The following ZMYND11 variants were observed in gnomAD, a reference collection of about 807,000 sequenced individuals.
The protein encoded by ZMYND11 is zinc finger MYND-type containing 11, also known as zinc finger MYND domain-containing protein 11.
ZMYND11 carries 9 observed loss-of-function variants against 84.9 expected under a neutral mutation model. The observed-to-expected ratio is 0.11, with a 90% CI of 0.06 to 0.18. ZMYND11 has a LOEUF of 0.18. Among genes scored for constraint, ZMYND11 ranks in the 10% least tolerant of loss-of-function variants. ZMYND11 has a pLI of 1.00. For missense variants in ZMYND11, 409 were observed against 761.0 expected (o/e 0.54, Z 5.44); for synonymous variants, 250 against 244.1 (o/e 1.02, Z -0.23).
chr10:241,982 TTAAAAG>T lies in ZMYND11; in HGVS notation c.832-35_832-30del, dbSNP rs755094763. The T allele has an allele frequency of 1.9e-5, 30 of 1,605,982 alleles. No homozygotes were observed. The Middle Eastern group carries it at 5.0e-4, about 27-fold the overall frequency. On this transcript the variant is annotated intron_variant, in intron 9 of 14. Transcript: ENST00000381604. ...TAATGGTACACTTGCATTTAATACT[TTAAAAG>T]TAATATAACAAGGTAAAACATTTAA... is the stretch of plus-strand genomic sequence containing the variant.
At chr10:158,297 A>G (rs918742471) in intron 1 of ZMYND11, among the ~76,000 whole-genome samples, 3 of 152,214 alleles carry the variant, frequency 2.0e-5, no homozygotes, top group South Asian at 2.1e-4. Flanking sequence ...AGGAACTGCC[A>G]TACTGTTTTT....
chr10:225,606 C>T (rs1400948485), intron 4 of ZMYND11, among the ~76,000 whole-genome samples: 2 of 152,150 alleles, frequency 1.3e-5, no homozygotes, highest in Non-Finnish European at 2.9e-5. Context: ...CCTTGGCCTC[C>T]CAAAGTGCTG....
intron 1 of ZMYND11, among the ~76,000 whole-genome samples, chr10:136,170 C>T (rs1428082217): frequency 2.0e-5 from 3 of 152,210 alleles, no homozygotes; most frequent in Non-Finnish European, 2.9e-5. Context: ...CGGGACAGTC[C>T]TGTGGGGTCC....
In ZMYND11 at chr10:237,644, G is replaced by A. The variant is rs1166207784; in HGVS notation, c.576G>A (p.Val192=). The change falls in exon 6 of 15, where the codon GTG becomes GTA. Residue 192 remains valine, a synonymous_variant. Transcript: ENST00000381604. The stretch of plus-strand genomic sequence containing the variant: ...AACACCCGATGTACAGGAGGCTGGT[G>A]CACTCAGCTGTGGACGTTCCCACCA... ...DNKHPMYRRL[V]HSAVDVPTIQ... 1 of 1,613,418 alleles carries A rather than the reference G, an allele frequency of 6.2e-7. No homozygotes were observed. Among genetic ancestry groups the A allele is most frequent in the African/African-American group, 1.3e-5 (1 of 75,034 alleles).
chr10:237,847 A>G (rs912196363), intron 6 of ZMYND11, among the ~76,000 whole-genome samples, 170 bp downstream of exon 6: 2 of 152,228 alleles, frequency 1.3e-5, no homozygotes, highest in Non-Finnish European at 2.9e-5. Context: ...AGCATTATTA[A>G]TTTGTAAATT....
Position 207,812 on chromosome 10 carries a change from G to T in ZMYND11, c.117-2077G>T, listed in dbSNP as rs1316418816. 3.3e-5 allele frequency among the ~76,000 whole-genome samples: 5 copies of T among 152,050 alleles called. No homozygotes were observed. The South Asian group carries it at 1.0e-3, about 32-fold the overall frequency. ...AAAAAACTACTTTAAAGTTCATATG[G>T]AACCAAAAAAGAGCCCACATCGCCA... On this transcript the variant is annotated intron_variant, in intron 2 of 14. Coordinates refer to ENST00000381604, the MANE Select transcript of ZMYND11 (RefSeq NM_001370100.5).
At position 237,625 on chromosome 10, in the gene ZMYND11, C is replaced by A; in HGVS notation, c.557C>A (p.Pro186Gln). The A allele has an allele frequency of 6.2e-7, 1 of 1,613,514 alleles. No individual in the cohort carries two copies. Among genetic ancestry groups the A allele is most frequent in the Non-Finnish European group, 8.5e-7 (1 of 1,179,772 alleles). Residue 186 changes from proline to glutamine, a missense_variant, in exon 6 of 15, where the codon CCG becomes CAG. Pro to Gln is a moderately conservative substitution (Grantham distance 76). Around this residue, in one of 7 missense-constraint regions of ZMYND11, gnomAD observed 53 missense variants for 71.1 expected, o/e 0.75. Coordinates refer to ENST00000381604, the MANE Select transcript of ZMYND11 (RefSeq NM_001370100.5). Reference protein sequence around the residue: ...LNKKGKDNKHPMYRRLVHSAV... With the variant: ...LNKKGKDNKHQMYRRLVHSAV... The stretch of plus-strand genomic sequence containing the variant: ...AAAAAGGGGAAGGACAATAAACACC[C>A]GATGTACAGGAGGCTGGTGCACTCA...
At chr10:188,420 T>A (rs1218677818) in intron 2 of ZMYND11, among the ~76,000 whole-genome samples, 1 of 150,762 alleles carries the variant, frequency 6.6e-6, no homozygotes, top group Non-Finnish European at 1.5e-5. Context: ...AGACCCCATC[T>A]CTACAAAAAA....
intron 4 of ZMYND11, among the ~76,000 whole-genome samples, chr10:236,090 C>T (rs1207570906): frequency 2.0e-5 from 3 of 152,204 alleles, no homozygotes; most frequent in African/African-American, 7.2e-5. Context: ...CACACCCACT[C>T]ATTTCCTCTG....
At chr10:177,030 C>T (rs986907389) in intron 1 of ZMYND11, among the ~76,000 whole-genome samples, 3 of 152,126 alleles carry the variant, frequency 2.0e-5, no homozygotes, top group Non-Finnish European at 4.4e-5. Flanking sequence ...ACTCAAATTG[C>T]TGTTCTTTTC....
At chr10:233,075 G>A (rs903283506) in intron 4 of ZMYND11, among the ~76,000 whole-genome samples, 20 of 152,316 alleles carry the variant, frequency 1.3e-4, no homozygotes, top group African/African-American at 4.8e-4. Flanking sequence ...GGTCTCTTAG[G>A]AAGTTGGTGC....
upstream of ZMYND11, among the ~76,000 whole-genome samples, chr10:134,130 A>G (rs986752903): frequency 6.6e-6 from 1 of 152,188 alleles, no homozygotes; most frequent in African/African-American, 2.4e-5. Context: ...GTTTTCTCCT[A>G]TACACACCTG....
At chr10:239,041 T>C (rs2131725516) in intron 6 of ZMYND11, among the ~76,000 whole-genome samples, 1 of 152,306 alleles carries the variant, frequency 6.6e-6, no homozygotes, top group Admixed American at 6.5e-5. Context: ...AGTTCTGTTT[T>C]CAATCTCGAT....
chr10:200,980 C>T (rs943236692), intron 2 of ZMYND11, among the ~76,000 whole-genome samples: 2 of 152,050 alleles, frequency 1.3e-5, no homozygotes, highest in Non-Finnish European at 2.9e-5. Flanking sequence ...AGAAATTCAA[C>T]ATTTCTAATC....
intron 13 of ZMYND11, 75 bp downstream of exon 13, chr10:248,683 C>T (rs1952711839): frequency 2.7e-6 from 4 of 1,500,460 alleles, no homozygotes; most frequent in African/African-American, 2.8e-5. Flanking sequence ...TTCACTCATG[C>T]ATCAACCCAG....
At chr10:243,018 T>C (rs989779348) in intron 10 of ZMYND11, among the ~76,000 whole-genome samples, 1 of 152,176 alleles carries the variant, frequency 6.6e-6, no homozygotes, top group Admixed American at 6.5e-5. Flanking sequence ...TTTTAACATA[T>C]GCTTAATACA....
intron 10 of ZMYND11, among the ~76,000 whole-genome samples, chr10:245,538 T>A (rs1418658156): frequency 2.0e-5 from 3 of 152,220 alleles, no homozygotes; most frequent in Non-Finnish European, 4.4e-5. Context: ...TACGTGTGTT[T>A]ATAGTACCAT....
chr10:177,107 G>T (rs1846809123), intron 1 of ZMYND11, among the ~76,000 whole-genome samples: 1 of 152,090 alleles, frequency 6.6e-6, no homozygotes, highest in Non-Finnish European at 1.5e-5. Flanking sequence ...TTTGCTTATT[G>T]CTATATCCCT....
chr10:150,640 T>G (rs1457955153), intron 1 of ZMYND11, among the ~76,000 whole-genome samples: 1 of 152,144 alleles, frequency 6.6e-6, no homozygotes, highest in Non-Finnish European at 1.5e-5. Context: ...TGCCTGCCTC[T>G]GTAGACCACC....
Sources: gnomAD v4.1 joint callset for allele counts (sites outside exome capture counted in the v4.1 genomes callset) on GRCh38, gnomAD v4.1.1 for gene constraint, gnomAD v4.1.1 regional missense constraint, MANE v1.5 for transcripts, NCBI Gene and HGNC (gene_info 2026-07-23, HGNC 2026-07-21) for gene names.